PIGU: variants seen among roughly 807,000 people sequenced by gnomAD.
The protein encoded by PIGU is phosphatidylinositol glycan anchor biosynthesis class U, also known as GPI-anchor transamidase component PIGU.
In PIGU, 24 loss-of-function variants were observed where a neutral mutation model predicts 49.9. That is an observed-to-expected ratio of 0.48 (90% CI 0.35 to 0.68). The LOEUF (loss-of-function observed/expected upper bound fraction) is 0.68, where lower values mean the gene tolerates loss of function less well. Ranked by LOEUF, PIGU falls within the 30% of genes least tolerant of loss-of-function variation. PIGU has a pLI of 0.01. For missense variants in PIGU, 490 were observed against 532.6 expected (o/e 0.92, Z 0.79); for synonymous variants, 220 against 205.7 (o/e 1.07, Z -0.59).
chr20:34,632,820 G>A (rs1420006876), intron 6 of PIGU, among the ~76,000 whole-genome samples: 7 of 151,508 alleles, frequency 4.6e-5, no homozygotes. Context: ...CAGGCCCAGA[G>A]AACAACCAGG....
intron 9 of PIGU, among the ~76,000 whole-genome samples, chr20:34,583,206 G>A (rs1040742143): frequency 6.6e-6 from 1 of 152,228 alleles, no homozygotes; most frequent in Admixed American, 6.5e-5. Context: ...TCTAAGAAGC[G>A]TCCAGCTATA....
At chr20:34,608,144 G>A (rs1480683133) in intron 7 of PIGU, among the ~76,000 whole-genome samples, 3 of 146,752 alleles carry the variant, frequency 2.0e-5, no homozygotes, top group Admixed American at 1.4e-4. Context: ...GTGCGATCTC[G>A]GCTCACTGCA....
chr20:34,632,146 A>G (rs1985802635), intron 6 of PIGU, among the ~76,000 whole-genome samples: 2 of 151,598 alleles, frequency 1.3e-5, no homozygotes, highest in Admixed American at 6.6e-5. Flanking sequence ...TGGCCAGAAG[A>G]TATTAAATAT....
At chr20:34,646,815 GTTTTCTTTTC>G (rs1054536362) in intron 2 of PIGU, among the ~76,000 whole-genome samples, 1 of 151,788 alleles carries the variant, frequency 6.6e-6, no homozygotes, top group African/African-American at 2.4e-5. Context: ...ATACTTAGGA[GTTTTCTTTTC>G]TTTTCTTTTT....
intron 11 of PIGU, among the ~76,000 whole-genome samples, chr20:34,571,619 A>C (rs757440340): frequency 5.3e-5 from 8 of 151,966 alleles, no homozygotes; most frequent in Non-Finnish European, 1.2e-4. Flanking sequence ...CATGTCCCCA[A>C]ATCCCGTACG....
At chr20:34,647,662 C>A (rs377078146) in intron 2 of PIGU, among the ~76,000 whole-genome samples, 17 of 152,078 alleles carry the variant, frequency 1.1e-4, no homozygotes, top group African/African-American at 3.6e-4. Context: ...GCCTCGGCCT[C>A]CCATTCTTTT....
At chr20:34,616,274 G>C (rs1311293647) in intron 6 of PIGU, 135 bp from the exon 7 acceptor site, 1 of 942,766 alleles carries the variant, frequency 1.1e-6, no homozygotes, top group Non-Finnish European at 1.5e-6. Context: ...TACACAAGGT[G>C]CTATGCAAAT....
chr20:34,667,273 TC>T (rs1987133134), intron 1 of PIGU, among the ~76,000 whole-genome samples: 1 of 152,178 alleles, frequency 6.6e-6, no homozygotes, highest in East Asian at 1.9e-4. Context: ...AGCAGTAGTG[TC>T]CCTATACTTC....
At chr20:34,660,048 T>TAAAAAAAAAA (rs1555803430) in intron 1 of PIGU, among the ~76,000 whole-genome samples, 1 of 41,452 alleles carries the variant, frequency 2.4e-5, no homozygotes, top group African/African-American at 7.6e-5. Context: ...GAATGATCAA[T>TAAAAAAAAAA]AAAAAAAAAA....
intron 1 of PIGU, among the ~76,000 whole-genome samples, chr20:34,670,167 A>C (rs1987262470): frequency 6.7e-6 from 1 of 148,422 alleles, no homozygotes; most frequent in South Asian, 2.1e-4. Context: ...TGTCTTACAA[A>C]TTCTGTTTAA....
At chr20:34,569,504 T>G (rs1982917824) in intron 11 of PIGU, among the ~76,000 whole-genome samples, 1 of 152,168 alleles carries the variant, frequency 6.6e-6, no homozygotes. Context: ...GTGTTGGGAT[T>G]ACAGGCACGA....
intron 7 of PIGU, among the ~76,000 whole-genome samples, chr20:34,607,478 T>A (rs999984808): frequency 6.6e-6 from 1 of 152,170 alleles, no homozygotes; most frequent in Admixed American, 6.5e-5. Context: ...CAGCCAGGAA[T>A]GACCGAACTG....
chr20:34,670,579 G>A (rs539224743), intron 1 of PIGU, among the ~76,000 whole-genome samples: 24 of 151,964 alleles, frequency 1.6e-4, no homozygotes, highest in East Asian at 3.9e-4. Flanking sequence ...TTGTTCTGTC[G>A]CCCAGGCTGG....
intron 11 of PIGU, among the ~76,000 whole-genome samples, chr20:34,569,468 C>T (rs1004230963): frequency 3.9e-5 from 6 of 152,098 alleles, no homozygotes; most frequent in African/African-American, 9.7e-5. Flanking sequence ...TAAGCTCAAG[C>T]GATCTGCCCG....
At chr20:34,621,289 T>C (rs980402925) in intron 6 of PIGU, among the ~76,000 whole-genome samples, 2 of 152,126 alleles carry the variant, frequency 1.3e-5, no homozygotes, top group Non-Finnish European at 2.9e-5. Flanking sequence ...ACCAATGTTC[T>C]TGAGGAAGAA....
intron 2 of PIGU, among the ~76,000 whole-genome samples, chr20:34,646,196 T>A (rs184189480): frequency 6.6e-6 from 1 of 152,340 alleles, no homozygotes; most frequent in Admixed American, 6.5e-5. Flanking sequence ...TGAGAGATTT[T>A]AAATCACAGA....
intron 4 of PIGU, among the ~76,000 whole-genome samples, chr20:34,643,218 A>G (rs1986225853): frequency 6.6e-6 from 1 of 152,068 alleles, no homozygotes. Flanking sequence ...ACAGCTATGA[A>G]CTCTTGGAAA....
chr20:34,616,879 C>T (rs749970391), intron 6 of PIGU, among the ~76,000 whole-genome samples: 35 of 152,224 alleles, frequency 2.3e-4, no homozygotes, highest in East Asian at 1.2e-3. Context: ...TTCGAGAGGC[C>T]GAGTCAGGCA....
intron 2 of PIGU, among the ~76,000 whole-genome samples, chr20:34,645,862 A>C (rs1226718073): frequency 1.3e-5 from 2 of 152,178 alleles, no homozygotes. Flanking sequence ...ACGCGACTGC[A>C]CTCCAGCGTG....
Sources: gnomAD v4.1 joint callset for allele counts (sites outside exome capture counted in the v4.1 genomes callset) on GRCh38, gnomAD v4.1.1 for gene constraint, MANE v1.5 for transcripts, NCBI Gene and HGNC (gene_info 2026-07-23, HGNC 2026-07-21) for gene names.